Variants in HS2ST1 observed in about 807,000 individuals in gnomAD.
HS2ST1 encodes 2-O-sulfotransferase.
Under a neutral mutation model 42.9 loss-of-function variants are expected in HS2ST1, and 18 were observed. The ratio of observed to expected loss-of-function variants is 0.42; its 90% confidence interval spans 0.29 to 0.62. The LOEUF (loss-of-function observed/expected upper bound fraction) is 0.62. HS2ST1 is among the 20% of genes least tolerant of loss of function. The pLI is 0.21. For synonymous variants in HS2ST1, 146 were observed against 152.9 expected, an observed-to-expected ratio of 0.95 and a Z score of 0.33; for missense variants, 334 against 433.8, an observed-to-expected ratio of 0.77 and a Z score of 2.04.
At chr1:87,099,557 C>T (rs1369515252) in intron 5 of HS2ST1, among the ~76,000 whole-genome samples, 1 of 152,230 alleles carries the variant, frequency 6.6e-6, no homozygotes, top group Non-Finnish European at 1.5e-5. Flanking sequence ...CATTGGGAAT[C>T]ACATTTCAAC....
chr1:87,104,585 A>G lies in HS2ST1; in HGVS notation c.960A>G (p.Ala320=), dbSNP rs577591090. The G allele has an allele frequency of 1.4e-5, 22 of 1,613,288 alleles. No homozygotes were observed. Among genetic ancestry groups the G allele is most frequent in the East Asian group, 2.2e-5 (1 of 44,882 alleles). Residue 320 remains alanine, a synonymous_variant, in exon 7 of 7, where the codon GCA becomes GCG. Coordinates refer to ENST00000370550, the MANE Select transcript of HS2ST1 (RefSeq NM_012262.4). ...TGGAGAATGAGTTCTATGAATTTGCACTAGAGCAGTTCCAATTCATCAGAG... is the reference window on the plus strand; with the variant it reads ...TGGAGAATGAGTTCTATGAATTTGCGCTAGAGCAGTTCCAATTCATCAGAG... ...WKMENEFYEF[A]LEQFQFIRAH...
At chr1:87,015,045 G>GT (rs869105180) in intron 1 of HS2ST1, among the ~76,000 whole-genome samples, 1 of 64,340 alleles carries the variant, frequency 1.6e-5, no homozygotes, top group South Asian at 6.8e-4. Flanking sequence ...GGGTTTTTTA[G>GT]TTTTTTGTTT....
At chr1:87,094,264 A>G (rs973788193) in intron 4 of HS2ST1, among the ~76,000 whole-genome samples, 1 of 151,992 alleles carries the variant, frequency 6.6e-6, no homozygotes, top group Non-Finnish European at 1.5e-5. Flanking sequence ...TCCATCATTT[A>G]TCATTGTCAG....
At chr1:87,083,182 T>C (rs1651734308) in intron 2 of HS2ST1, among the ~76,000 whole-genome samples, 1 of 152,206 alleles carries the variant, frequency 6.6e-6, no homozygotes, top group Non-Finnish European at 1.5e-5. Context: ...ATTGATATTA[T>C]TGAGTGTAGT....
chr1:87,016,524 A>G (rs1489721883), intron 1 of HS2ST1, among the ~76,000 whole-genome samples: 1 of 152,176 alleles, frequency 6.6e-6, no homozygotes, highest in Admixed American at 6.5e-5. Context: ...TTCTCTAATA[A>G]AATTACACAG....
intron 1 of HS2ST1, among the ~76,000 whole-genome samples, chr1:87,039,834 T>C (rs1040977506): frequency 1.3e-5 from 2 of 152,156 alleles, no homozygotes; most frequent in African/African-American, 4.8e-5. Flanking sequence ...TGCCAAAGCA[T>C]AGGAGTCGCT....
Position 87,079,053 on chromosome 1 carries a change from T to C in HS2ST1, c.364-5141T>C, listed in dbSNP as rs72955578. On this transcript the variant is annotated intron_variant, in intron 2 of 6. Transcript: ENST00000370550. ...AAAAGTACTGTTTTTCAAAGGGAGT[T>C]ACTCATATTATTTCCTTGGAGAACA... Among the ~76,000 whole-genome samples the C allele has an allele frequency of 9.8e-3, 1,492 of 152,280 alleles. 25 individuals are homozygous for C. The highest frequency in any genetic ancestry group is 0.034 in the African/African-American group (1,396 of 41,550).
chr1:87,083,021 G>A (rs1446159289), intron 2 of HS2ST1, among the ~76,000 whole-genome samples: 1 of 152,162 alleles, frequency 6.6e-6, no homozygotes, highest in African/African-American at 2.4e-5. Context: ...CTCTTAGTAT[G>A]TGAGTTATTA....
chr1:87,102,847 G>T (rs1233534462), intron 5 of HS2ST1, among the ~76,000 whole-genome samples: 3 of 151,960 alleles, frequency 2.0e-5, no homozygotes, highest in African/African-American at 4.8e-5. Flanking sequence ...GCTAGAATTT[G>T]GATTAAGGAA....
intron 1 of HS2ST1, among the ~76,000 whole-genome samples, chr1:87,054,641 C>A (rs1439406059): frequency 1.3e-5 from 2 of 152,106 alleles, no homozygotes; most frequent in East Asian, 3.9e-4. Context: ...CAACTGCCCA[C>A]CAAGGATTAA....
intron 1 of HS2ST1, among the ~76,000 whole-genome samples, chr1:87,015,447 A>G (rs1377598102): frequency 6.7e-6 from 1 of 149,368 alleles, no homozygotes; most frequent in African/African-American, 2.5e-5. Context: ...TCCCAGGTTC[A>G]CACCATTATC....
intron 1 of HS2ST1, among the ~76,000 whole-genome samples, chr1:87,016,036 C>T (rs928703815): frequency 3.3e-5 from 5 of 150,354 alleles, no homozygotes; most frequent in Non-Finnish European, 5.9e-5. Flanking sequence ...AGGATGATCC[C>T]GATCTCCTGA....
At chr1:87,042,861 A>C (rs959829492) in intron 1 of HS2ST1, among the ~76,000 whole-genome samples, 1 of 152,110 alleles carries the variant, frequency 6.6e-6, no homozygotes, top group African/African-American at 2.4e-5. Flanking sequence ...ACTCATAGGA[A>C]TTTACTTTTC....
intron 1 of HS2ST1, among the ~76,000 whole-genome samples, chr1:87,002,438 C>CA (rs979094403): frequency 6.6e-6 from 1 of 151,396 alleles, no homozygotes; most frequent in Non-Finnish European, 1.5e-5. Context: ...ACAAAAATTA[C>CA]AAAAAAATTA....
intron 1 of HS2ST1, among the ~76,000 whole-genome samples, chr1:86,922,612 A>C (rs1186831279): frequency 6.6e-6 from 1 of 152,126 alleles, no homozygotes; most frequent in African/African-American, 2.4e-5. Flanking sequence ...ATAGAATTCT[A>C]AGCTGACATT....
chr1:86,949,442 G>A (rs1425098875), intron 1 of HS2ST1, among the ~76,000 whole-genome samples: 2 of 151,872 alleles, frequency 1.3e-5, no homozygotes, highest in African/African-American at 4.8e-5. Context: ...TATATTTTTT[G>A]GCCATACATC....
At chr1:86,978,364 G>A (rs1026892612) in intron 1 of HS2ST1, among the ~76,000 whole-genome samples, 16 of 152,026 alleles carry the variant, frequency 1.1e-4, no homozygotes, top group African/African-American at 3.6e-4. Flanking sequence ...TTAAATATTG[G>A]GCAGTGTCTC....
chr1:87,015,049 TTTG>T (rs1283949894), intron 1 of HS2ST1, among the ~76,000 whole-genome samples: 1 of 9,170 alleles, frequency 1.1e-4, no homozygotes, highest in Non-Finnish European at 3.3e-4. Context: ...TTTTTAGTTT[TTTG>T]TTTGTTTGTT....
intron 1 of HS2ST1, among the ~76,000 whole-genome samples, chr1:87,018,087 A>G (rs922002148): frequency 4.0e-5 from 6 of 151,758 alleles, no homozygotes; most frequent in East Asian, 3.9e-4. Flanking sequence ...CTACTCATCA[A>G]TGTAACTCTC....
Sources: gnomAD v4.1 joint callset for allele counts (sites outside exome capture counted in the v4.1 genomes callset) on GRCh38, gnomAD v4.1.1 for gene constraint, MANE v1.5 for transcripts, NCBI Gene and HGNC (gene_info 2026-07-23, HGNC 2026-07-21) for gene names.